KCNH7: variants seen among roughly 807,000 people sequenced by gnomAD.
The protein encoded by KCNH7 is potassium voltage-gated channel subfamily H member 7, also known as voltage-gated inwardly rectifying potassium channel KCNH7.
A neutral mutation model predicts 120.8 loss-of-function variants in KCNH7; 49 were observed. That is an observed-to-expected ratio of 0.41 (90% CI 0.32 to 0.51). KCNH7 has a LOEUF of 0.51. Ranked by LOEUF, KCNH7 falls within the 20% of genes least tolerant of loss-of-function variation. The pLI, the probability that KCNH7 is intolerant of heterozygous loss-of-function variation, is 0.38. For missense variants in KCNH7, 1,097 were observed against 1,446.6 expected (o/e 0.76, Z 3.92); for synonymous variants, 547 against 516.1 (o/e 1.06, Z -0.81).
chr2:162,787,562 C>T (rs1028509932), intron 2 of KCNH7, among the ~76,000 whole-genome samples: 1 of 152,150 alleles, frequency 6.6e-6, no homozygotes, highest in Non-Finnish European at 1.5e-5. Flanking sequence ...TCAGGCCCAT[C>T]CCTCTGTATT....
intron 9 of KCNH7, among the ~76,000 whole-genome samples, chr2:162,420,035 A>C (rs1248858729): frequency 6.6e-6 from 1 of 152,164 alleles, no homozygotes; most frequent in Non-Finnish European, 1.5e-5. Context: ...ACTTCTGCAC[A>C]TCTTTCAAAT....
chr2:162,558,420 C>T (rs950822641), intron 2 of KCNH7, among the ~76,000 whole-genome samples: 12 of 151,650 alleles, frequency 7.9e-5, no homozygotes, highest in African/African-American at 1.7e-4. Context: ...GTGATCCATC[C>T]GCCTCGGCCT....
intron 2 of KCNH7, among the ~76,000 whole-genome samples, chr2:162,678,628 T>A (rs904569022): frequency 1.3e-5 from 2 of 151,466 alleles, no homozygotes; most frequent in South Asian, 4.2e-4. Context: ...TTCTGGGGTC[T>A]TTTTCTGTGT....
At chr2:162,601,159 G>T (rs965684719) in intron 2 of KCNH7, among the ~76,000 whole-genome samples, 1 of 151,950 alleles carries the variant, frequency 6.6e-6, no homozygotes, top group African/African-American at 2.4e-5. Flanking sequence ...GAATGTGATT[G>T]GTTAATGTAT....
chr2:162,435,102 G>T, intron 8 of KCNH7, 96 bp downstream of exon 8: 1 of 1,167,770 alleles, frequency 8.6e-7, no homozygotes, highest in Non-Finnish European at 1.2e-6. Flanking sequence ...TCAATTTTCT[G>T]TAATCTTTTT....
At chr2:162,835,908 C>T (rs1343650519) in intron 2 of KCNH7, among the ~76,000 whole-genome samples, 1 of 151,644 alleles carries the variant, frequency 6.6e-6, no homozygotes, top group African/African-American at 2.4e-5. Flanking sequence ...CTAATAACTC[C>T]ACAGTATCAT....
Position 162,752,863 on chromosome 2 carries a change from T to C in KCNH7, c.307+83674A>G, listed in dbSNP as rs571985824. ...TTGCAGTGAGCCGAGATTGCGCCATTGCACTCCAGCCTGGGCAAAAGAGCA... is the reference window on the plus strand; with the variant it reads ...TTGCAGTGAGCCGAGATTGCGCCATCGCACTCCAGCCTGGGCAAAAGAGCA... On this transcript the variant is annotated intron_variant, in intron 2 of 15. Coordinates refer to ENST00000332142, the MANE Select transcript of KCNH7 (RefSeq NM_033272.4). Among the ~76,000 whole-genome samples the C allele has an allele frequency of 3.0e-4, 42 of 141,316 alleles. 1 individual carries two copies. In the South Asian group the frequency reaches 8.9e-3, roughly 30 times the overall value. The allele number at this position is 141,316 out of a possible 152,430, so 92.7% of individuals were successfully genotyped here. A position where few individuals can be genotyped will look rare whatever the true frequency, so the allele number is the denominator to read the frequency against.
chr2:162,730,422 A>AC (rs1448827638), intron 2 of KCNH7, among the ~76,000 whole-genome samples: 3 of 151,708 alleles, frequency 2.0e-5, no homozygotes, highest in Non-Finnish European at 4.4e-5. Context: ...AAATGCACAA[A>AC]TAGTATTAGA....
At chr2:162,454,676 T>C (rs1688897840) in intron 6 of KCNH7, among the ~76,000 whole-genome samples, 1 of 151,296 alleles carries the variant, frequency 6.6e-6, no homozygotes, top group Non-Finnish European at 1.5e-5. Context: ...ACACCCCTTG[T>C]AAGTTTTATT....
At chr2:162,528,630 G>A (rs1386302704) in intron 3 of KCNH7, among the ~76,000 whole-genome samples, 2 of 151,834 alleles carry the variant, frequency 1.3e-5, no homozygotes, top group African/African-American at 4.8e-5. Context: ...CATGATAGGC[G>A]GATTGTATTA....
At chr2:162,587,657 CT>C in intron 2 of KCNH7, among the ~76,000 whole-genome samples, 1 of 152,112 alleles carries the variant, frequency 6.6e-6, no homozygotes, top group East Asian at 1.9e-4. Context: ...ATATAGTTTC[CT>C]TTTCCCATTT....
intron 6 of KCNH7, among the ~76,000 whole-genome samples, chr2:162,482,269 C>T (rs1223129045): frequency 6.6e-6 from 1 of 152,094 alleles, no homozygotes; most frequent in Non-Finnish European, 1.5e-5. Flanking sequence ...TTGCTGCAAG[C>T]AAATTTCCAA....
chr2:162,534,673 C>T (rs1039416472), intron 3 of KCNH7, among the ~76,000 whole-genome samples: 1 of 151,628 alleles, frequency 6.6e-6, no homozygotes, highest in Non-Finnish European at 1.5e-5. Flanking sequence ...TCACACCTAA[C>T]TTTTAAAGTC....
chr2:162,701,965 C>G (rs534784900), intron 2 of KCNH7, among the ~76,000 whole-genome samples: 1 of 151,610 alleles, frequency 6.6e-6, no homozygotes, highest in Admixed American at 6.6e-5. Flanking sequence ...CAAGATCACG[C>G]CACTATACTC....
At chr2:162,493,038 T>G (rs761570771) in intron 6 of KCNH7, among the ~76,000 whole-genome samples, 9 of 152,054 alleles carry the variant, frequency 5.9e-5, no homozygotes, top group Non-Finnish European at 1.3e-4. Context: ...GACTCCATTT[T>G]GGGAAAAAAA....
intron 2 of KCNH7, among the ~76,000 whole-genome samples, chr2:162,674,796 G>GA (rs1163391815): frequency 6.6e-6 from 1 of 151,480 alleles, no homozygotes; most frequent in Non-Finnish European, 1.5e-5. Context: ...AAAGCACACT[G>GA]AAAAATCAAT....
chr2:162,520,903 T>A (rs1357893982), intron 3 of KCNH7, among the ~76,000 whole-genome samples: 1 of 151,922 alleles, frequency 6.6e-6, no homozygotes, highest in African/African-American at 2.4e-5. Flanking sequence ...GCTTCATCTC[T>A]GTTCTTTGCT....
chr2:162,753,190 A>G (rs997087900), intron 2 of KCNH7, among the ~76,000 whole-genome samples: 4 of 151,866 alleles, frequency 2.6e-5, no homozygotes, highest in Non-Finnish European at 5.9e-5. Context: ...CATCGTGAGA[A>G]TGGATAACAT....
chr2:162,813,863 A>T (rs1684819966), intron 2 of KCNH7, among the ~76,000 whole-genome samples: 1 of 152,236 alleles, frequency 6.6e-6, no homozygotes, highest in Non-Finnish European at 1.5e-5. Flanking sequence ...AGTGAACATG[A>T]TACAATAGTT....
Sources: gnomAD v4.1 joint callset for allele counts (sites outside exome capture counted in the v4.1 genomes callset) on GRCh38, gnomAD v4.1.1 for gene constraint, MANE v1.5 for transcripts, NCBI Gene and HGNC (gene_info 2026-07-23, HGNC 2026-07-21) for gene names.